Variants in ESRRG observed in about 807,000 individuals in gnomAD.
ESRRG encodes estrogen-related receptor gamma.
A neutral mutation model predicts 44.0 loss-of-function variants in ESRRG; 13 were observed. That is an observed-to-expected ratio of 0.30 (90% CI 0.19 to 0.47). The LOEUF (loss-of-function observed/expected upper bound fraction) is 0.47. ESRRG is among the 20% of genes least tolerant of loss of function. The pLI, the probability that ESRRG is intolerant of heterozygous loss-of-function variation, is 1.00. For missense variants in ESRRG, 395 were observed against 580.6 expected (o/e 0.68, Z 3.29); for synonymous variants, 215 against 214.6 (o/e 1.00, Z -0.02).
At chr1:216,582,398 G>A (rs1426334598) in intron 3 of ESRRG, among the ~76,000 whole-genome samples, 1 of 152,142 alleles carries the variant, frequency 6.6e-6, no homozygotes, top group Admixed American at 6.5e-5. Context: ...TGCTCTGAAG[G>A]AATGTCTTTT....
At position 216,896,682 on chromosome 1, in the gene ESRRG, T is replaced by C. The variant is rs574711217; in HGVS notation, c.-14+42900A>G. ...CCCAGTCTGTCAATTTTTCAGTTTC[T>C]GCACTTTCATGGTTGATTAGAGCTG... On this transcript the variant is annotated intron_variant, in intron 2 of 7. Transcript: ENST00000359162. 9.2e-5 allele frequency among the ~76,000 whole-genome samples: 14 copies of C among 152,348 alleles called. No individual in the cohort carries two copies. The South Asian group carries it at 2.5e-3, about 27-fold the overall frequency.
chr1:216,942,615 T>C (rs935575196), intron 1 of ESRRG, among the ~76,000 whole-genome samples: 4 of 152,164 alleles, frequency 2.6e-5, no homozygotes, highest in African/African-American at 9.7e-5. Flanking sequence ...CTTACTGGTG[T>C]AGGATGGTAT....
intron 2 of ESRRG, among the ~76,000 whole-genome samples, chr1:216,881,860 T>C (rs1410579884): frequency 6.6e-6 from 1 of 152,174 alleles, no homozygotes; most frequent in African/African-American, 2.4e-5. Context: ...ATCTGGTAAC[T>C]GACTTTTATA....
chr1:216,903,736 G>T (rs966816963), intron 2 of ESRRG, among the ~76,000 whole-genome samples: 1 of 152,086 alleles, frequency 6.6e-6, no homozygotes, highest in African/African-American at 2.4e-5. Flanking sequence ...GAGGACAGGG[G>T]ATGTCCTGGT....
In ESRRG at chr1:216,503,325, A is replaced by G. The variant is rs1207469647; in HGVS notation, c.*3614T>C. 1 of 152,392 alleles carries G rather than the reference A, an allele frequency of 6.6e-6. No homozygotes were observed. 9.4% of individuals were successfully genotyped at this position (152,392 alleles called of 1,614,324 possible). A position where few individuals can be genotyped will look rare whatever the true frequency, so the allele number is the denominator to read the frequency against. On this transcript the variant is annotated 3_prime_UTR_variant, in exon 7 of 7. Transcript: ENST00000408911. Reference sequence around the variant, plus strand: ...ATAATAATTTGAGTTACACATCTGAACTGATTGGAGTTACAGAATCATATC... The same window carrying G: ...ATAATAATTTGAGTTACACATCTGAGCTGATTGGAGTTACAGAATCATATC...
rs141778685 is a variant in ESRRG at position 216,650,252 on chromosome 1, C to T, written c.589+721G>A. ...AACAAAAACTGAATCACAGGCCTCA[C>T]GAAGTAAAGAAAACTTTTTATCCAT... On this transcript the variant is annotated intron_variant, in intron 3 of 6. Coordinates refer to ENST00000408911, the MANE Select transcript of ESRRG (RefSeq NM_001438.4). 3.5e-3 allele frequency among the ~76,000 whole-genome samples: 539 copies of T among 152,164 alleles called. 6 individuals are homozygous for T. The highest frequency in any genetic ancestry group is 0.012 in the African/African-American group (508 of 41,526).
At chr1:216,708,426 TG>T (rs2082873475) in intron 1 of ESRRG, among the ~76,000 whole-genome samples, 1 of 152,246 alleles carries the variant, frequency 6.6e-6, no homozygotes, top group Admixed American at 6.5e-5. Context: ...CTTATATAAA[TG>T]TCTACATTTG....
chr1:217,091,917 G>A (rs184363982), upstream of ESRRG, among the ~76,000 whole-genome samples: 14 of 152,268 alleles, frequency 9.2e-5, no homozygotes, highest in South Asian at 6.2e-4. Context: ...ACCACAAAGC[G>A]AAAGAACCAT....
intron 3 of ESRRG, among the ~76,000 whole-genome samples, chr1:216,631,746 G>A (rs182270387): frequency 6.6e-6 from 1 of 152,006 alleles, no homozygotes; most frequent in Admixed American, 6.5e-5. Context: ...ACAAATACAG[G>A]TACACACACA....
intron 1 of ESRRG, among the ~76,000 whole-genome samples, chr1:216,697,211 C>A (rs1367884527): frequency 6.6e-6 from 1 of 152,140 alleles, no homozygotes; most frequent in East Asian, 1.9e-4. Context: ...AGTGATCCAC[C>A]CGCCTTGGCC....
chr1:217,038,352 A>G (rs1371253263), intron 1 of ESRRG, among the ~76,000 whole-genome samples: 2 of 152,208 alleles, frequency 1.3e-5, no homozygotes, highest in African/African-American at 4.8e-5. Context: ...TTGTGCACCC[A>G]CAGTCTCAAC....
chr1:216,967,055 T>C (rs2070550075), intron 1 of ESRRG, among the ~76,000 whole-genome samples: 1 of 152,090 alleles, frequency 6.6e-6, no homozygotes, highest in Non-Finnish European at 1.5e-5. Context: ...CTTCTACTCT[T>C]TTTAAGAAAA....
At chr1:216,989,068 T>C (rs73099452) in intron 1 of ESRRG, among the ~76,000 whole-genome samples, 6,864 of 152,226 alleles carry the variant, frequency 0.045, 487 homozygotes, top group African/African-American at 0.15. Flanking sequence ...TAAGTGCCTA[T>C]TGTTTGTATC....
At chr1:216,541,851 C>G (rs138102880) in intron 5 of ESRRG, among the ~76,000 whole-genome samples, 5 of 151,776 alleles carry the variant, frequency 3.3e-5, no homozygotes, top group South Asian at 2.1e-4. Flanking sequence ...TCCTGAAAAT[C>G]GTGACTCACA....
At chr1:217,081,578 G>A (rs951451769) in intron 1 of ESRRG, among the ~76,000 whole-genome samples, 17 of 152,026 alleles carry the variant, frequency 1.1e-4, no homozygotes, top group Admixed American at 5.2e-4. Flanking sequence ...GGATTTCAAC[G>A]AATGTATTAC....
chr1:216,799,884 G>A (rs1396472469), intron 2 of ESRRG, among the ~76,000 whole-genome samples: 2 of 152,020 alleles, frequency 1.3e-5, no homozygotes, highest in African/African-American at 4.8e-5. Flanking sequence ...CAGTAATTTG[G>A]GATTATCACT....
intron 2 of ESRRG, among the ~76,000 whole-genome samples, chr1:216,782,261 A>G (rs2093961905): frequency 6.6e-6 from 1 of 151,958 alleles, no homozygotes; most frequent in Non-Finnish European, 1.5e-5. Flanking sequence ...CCAGGGACAG[A>G]TTTGCACTTG....
chr1:216,786,779 A>T (rs1397596885), intron 2 of ESRRG, among the ~76,000 whole-genome samples: 1 of 152,152 alleles, frequency 6.6e-6, no homozygotes, highest in Non-Finnish European at 1.5e-5. Context: ...TTATTGACAC[A>T]CACTATCTAG....
chr1:216,650,860 G>A (rs1196594643), intron 3 of ESRRG, 113 bp downstream of exon 3: 1 of 726,236 alleles, frequency 1.4e-6, no homozygotes, highest in South Asian at 1.6e-5. Context: ...ATCAGAGTCA[G>A]GGTACTTACT....
Sources: allele counts gnomAD v4.1 joint callset (sites outside exome capture counted in the v4.1 genomes callset), GRCh38; gene constraint gnomAD v4.1.1; transcripts MANE v1.5; gene names NCBI Gene and HGNC (gene_info 2026-07-23, HGNC 2026-07-21).